STX8: variants seen among roughly 807,000 people sequenced by gnomAD.
The protein encoded by STX8 is syntaxin-8.
Under a neutral mutation model 37.5 loss-of-function variants are expected in STX8, and 23 were observed. That is an observed-to-expected ratio of 0.61 (90% CI 0.44 to 0.87). The LOEUF is 0.87. STX8 is among the 40% of genes least tolerant of loss of function. STX8 has a pLI of 0.00. For synonymous variants in STX8, 115 were observed against 99.1 expected, an observed-to-expected ratio of 1.16 and a Z score of -0.95; for missense variants, 313 against 284.7, an observed-to-expected ratio of 1.10 and a Z score of -0.71.
intron 6 of STX8, among the ~76,000 whole-genome samples, chr17:9,462,567 C>CA (rs1250612604): frequency 6.6e-6 from 1 of 151,978 alleles, no homozygotes; most frequent in African/African-American, 2.4e-5. Context: ...ACTAAAAGTA[C>CA]AAAAAATTCG....
intron 7 of STX8, among the ~76,000 whole-genome samples, chr17:9,267,767 T>A (rs566781447): frequency 2.1e-4 from 32 of 152,216 alleles, no homozygotes; most frequent in African/African-American, 7.2e-4. Flanking sequence ...GGCAGGTGGA[T>A]CATCTGAGGT....
intron 2 of STX8, among the ~76,000 whole-genome samples, chr17:9,567,229 G>C (rs904199317): frequency 6.6e-6 from 1 of 152,098 alleles, no homozygotes; most frequent in Non-Finnish European, 1.5e-5. Flanking sequence ...ACAAAATAAC[G>C]TGTACAACAA....
chr17:9,359,340 C>A (rs1910984929), intron 7 of STX8, among the ~76,000 whole-genome samples: 1 of 152,034 alleles, frequency 6.6e-6, no homozygotes, highest in Non-Finnish European at 1.5e-5. Flanking sequence ...AGGTATTACT[C>A]TCTGTGGAAG....
At chr17:9,416,849 T>C (rs1913216873) in intron 6 of STX8, among the ~76,000 whole-genome samples, 1 of 151,978 alleles carries the variant, frequency 6.6e-6, no homozygotes, top group South Asian at 2.1e-4. Context: ...GTTTTGGAGG[T>C]CACAAGATTT....
intron 6 of STX8, among the ~76,000 whole-genome samples, chr17:9,441,736 C>T (rs1344308913): frequency 2.2e-5 from 3 of 137,686 alleles, no homozygotes; most frequent in Non-Finnish European, 4.6e-5. Context: ...AGTGCAGTGG[C>T]GCGATCTCAG....
chr17:9,372,963 G>A (rs181121224), intron 7 of STX8, among the ~76,000 whole-genome samples: 7 of 151,256 alleles, frequency 4.6e-5, no homozygotes, highest in Non-Finnish European at 7.4e-5. Context: ...AATTAGCCCA[G>A]CGTGGTGGTG....
chr17:9,303,180 A>T (rs1381291246), intron 7 of STX8, among the ~76,000 whole-genome samples: 1 of 152,056 alleles, frequency 6.6e-6, no homozygotes, highest in African/African-American at 2.4e-5. Flanking sequence ...AGTCCCAGCT[A>T]CTCAGGAGGC....
At chr17:9,551,667 G>T (rs1172198680) in intron 3 of STX8, among the ~76,000 whole-genome samples, 3 of 152,062 alleles carry the variant, frequency 2.0e-5, no homozygotes, top group African/African-American at 7.2e-5. Context: ...GAAGAAAAAA[G>T]ATTTTCTTCA....
At chr17:9,452,959 C>G (rs1316345923) in intron 6 of STX8, among the ~76,000 whole-genome samples, 1 of 152,076 alleles carries the variant, frequency 6.6e-6, no homozygotes, top group Non-Finnish European at 1.5e-5. Flanking sequence ...GTGCCCACCA[C>G]CACGCCCAGC....
At chr17:9,573,622 T>A (rs779539744) in intron 1 of STX8, among the ~76,000 whole-genome samples, 1 of 152,186 alleles carries the variant, frequency 6.6e-6, no homozygotes, top group Non-Finnish European at 1.5e-5. Context: ...ATTCTTAACC[T>A]TGGCAAAATA....
intron 7 of STX8, among the ~76,000 whole-genome samples, chr17:9,312,551 A>C (rs186246468): frequency 6.6e-6 from 1 of 152,326 alleles, no homozygotes; most frequent in East Asian, 1.9e-4. Context: ...TGCACAGGTT[A>C]AAAGAGTAAG....
chr17:9,541,508 G>A (rs7224652), intron 4 of STX8, among the ~76,000 whole-genome samples: 141,613 of 152,218 alleles, frequency 0.93, 66,770 homozygotes, highest in East Asian at 1. Flanking sequence ...TACAAAGCCT[G>A]TCTCATAGCA....
At chr17:9,323,631 CAGAAAG>C (rs1348506430) in intron 7 of STX8, among the ~76,000 whole-genome samples, 2 of 151,610 alleles carry the variant, frequency 1.3e-5, no homozygotes, top group Non-Finnish European at 2.9e-5. Flanking sequence ...CTCAGGGCAC[CAGAAAG>C]AGAAAAAGAC....
rs1174076066 is a variant in STX8 at position 9,556,778 on chromosome 17, T to TAC, written c.212+655_212+656insGT. 396 of 97,358 alleles carry TAC rather than the reference T, an allele frequency of 4.1e-3. 1 individual carries two copies. The highest frequency in any genetic ancestry group is 6.8e-3 in the Non-Finnish European group (341 of 50,020). The allele number at this position is 97,358 out of a possible 1,614,324, so 6.0% of individuals were successfully genotyped here. A position where few individuals can be genotyped will look rare whatever the true frequency, so the allele number is the denominator to read the frequency against. On this transcript the variant is annotated intron_variant, in intron 3 of 7. Transcript: ENST00000306357. ...ATATATATATATATATATATATATA[T>TAC]ATATATATATATATATACACATACA...
At chr17:9,418,497 C>T (rs1460977501) in intron 6 of STX8, among the ~76,000 whole-genome samples, 1 of 145,642 alleles carries the variant, frequency 6.9e-6, no homozygotes, top group Admixed American at 7.1e-5. Flanking sequence ...GCCCTTTTAC[C>T]ATGTTCTTTC....
intron 4 of STX8, among the ~76,000 whole-genome samples, chr17:9,526,116 A>C (rs1905559549): frequency 6.6e-6 from 1 of 152,196 alleles, no homozygotes; most frequent in Non-Finnish European, 1.5e-5. Flanking sequence ...AGCCAGTGGG[A>C]AAGGAATACA....
intron 4 of STX8, among the ~76,000 whole-genome samples, chr17:9,512,013 A>G (rs1905031566): frequency 6.6e-6 from 1 of 152,192 alleles, no homozygotes; most frequent in Non-Finnish European, 1.5e-5. Context: ...CGCCAAAATT[A>G]CCTAGGAATA....
intron 5 of STX8, among the ~76,000 whole-genome samples, chr17:9,500,840 A>T (rs958825127): frequency 5.9e-5 from 9 of 151,760 alleles, no homozygotes; most frequent in Non-Finnish European, 8.8e-5. Context: ...GTCTCTATTT[A>T]AAAAAATACA....
intron 6 of STX8, among the ~76,000 whole-genome samples, chr17:9,447,679 T>A (rs150978040): frequency 2.9e-3 from 446 of 151,984 alleles, no homozygotes; most frequent in African/African-American, 0.01. Context: ...AGCCTCAGTC[T>A]CCCAAAGTGC....
Sources: allele counts gnomAD v4.1 joint callset (sites outside exome capture counted in the v4.1 genomes callset), GRCh38; gene constraint gnomAD v4.1.1; transcripts MANE v1.5; gene names NCBI Gene and HGNC (gene_info 2026-07-23, HGNC 2026-07-21).